SGMS1: variants seen among roughly 807,000 people sequenced by gnomAD.
SGMS1 encodes the protein phosphatidylcholine:ceramide cholinephosphotransferase 1.
In SGMS1, 13 loss-of-function variants were observed where a neutral mutation model predicts 46.2. The ratio of observed to expected loss-of-function variants is 0.28; its 90% CI spans 0.18 to 0.45. SGMS1 has a LOEUF of 0.45. Among genes scored for constraint, SGMS1 ranks in the 20% least tolerant of loss-of-function variants. The probability of loss-of-function intolerance (pLI) is 1.00; values close to 1 mark genes in which losing one functional copy is unlikely to be tolerated. For missense variants in SGMS1, 324 were observed against 519.9 expected, an observed-to-expected ratio of 0.62 and a Z score of 3.66; for synonymous variants, 203 against 187.8, an observed-to-expected ratio of 1.08 and a Z score of -0.66.
In SGMS1 at chr10:50,525,210, T is replaced by C. The variant is rs7909624; in HGVS notation, c.-588-5289A>G. Among the ~76,000 whole-genome samples the C allele has an allele frequency of 9.0e-3, 1,374 of 152,284 alleles. 24 individuals carry two copies. Among genetic ancestry groups the C allele is most frequent in the African/African-American group, 0.032 (1,319 of 41,568 alleles). The stretch of plus-strand genomic sequence containing the variant: ...ACTGGGTAACAAATAGCATCCTCTA[T>C]TGGAGTTACATGTTGGCTCCTACAC... On this transcript the variant is annotated intron_variant, in intron 2 of 10. Transcript: ENST00000361781.
intron 2 of SGMS1, among the ~76,000 whole-genome samples, chr10:50,533,875 C>T (rs1433712465): frequency 2.0e-5 from 3 of 151,978 alleles, no homozygotes; most frequent in Admixed American, 6.6e-5. Context: ...ATATGACATC[C>T]TCTGCTCCGG....
intron 5 of SGMS1, among the ~76,000 whole-genome samples, chr10:50,450,320 A>AC (rs1837090551): frequency 6.6e-6 from 1 of 152,144 alleles, no homozygotes; most frequent in Admixed American, 6.5e-5. Context: ...TGTGCCCTTC[A>AC]CCCCTGGTTA....
intron 5 of SGMS1, chr10:50,459,839 T>A (rs1224791762): frequency 2.0e-5 from 3 of 152,400 alleles, no homozygotes; most frequent in Admixed American, 2.0e-4. Context: ...AGCAGGCAAG[T>A]TGTTTAACCA....
intron 6 of SGMS1, among the ~76,000 whole-genome samples, chr10:50,408,262 G>A (rs1849045615): frequency 6.6e-6 from 1 of 151,936 alleles, no homozygotes; most frequent in Non-Finnish European, 1.5e-5. Context: ...ATAGAGAAAA[G>A]CAACATAGAA....
chr10:50,318,081 C>T (rs1426096916), intron 8 of SGMS1, among the ~76,000 whole-genome samples: 1 of 152,252 alleles, frequency 6.6e-6, no homozygotes, highest in African/African-American at 2.4e-5. Flanking sequence ...GCTAGGATTA[C>T]AGGCGTGAGC....
intron 6 of SGMS1, among the ~76,000 whole-genome samples, chr10:50,361,173 C>T (rs183130551): frequency 9.2e-4 from 140 of 152,256 alleles, no homozygotes; most frequent in African/African-American, 2.9e-3. Context: ...TCCTTCTTTT[C>T]CTCCCTTTCC....
chr10:50,355,618 C>A (rs1046973664), intron 6 of SGMS1, among the ~76,000 whole-genome samples: 3 of 152,158 alleles, frequency 2.0e-5, no homozygotes, highest in Non-Finnish European at 4.4e-5. Context: ...GATCTCGGCT[C>A]GCTACAACCT....
intron 2 of SGMS1, among the ~76,000 whole-genome samples, chr10:50,573,138 G>T (rs1838350368): frequency 6.6e-6 from 1 of 152,098 alleles, no homozygotes; most frequent in Admixed American, 6.5e-5. Context: ...CATACTCAAT[G>T]GAGAAAAACT....
At chr10:50,432,011 A>C (rs1849409269) in intron 6 of SGMS1, among the ~76,000 whole-genome samples, 2 of 152,218 alleles carry the variant, frequency 1.3e-5, no homozygotes, top group African/African-American at 2.4e-5. Context: ...GAGCATGACA[A>C]CTTGAGTTAC....
At chr10:50,602,923 A>C (rs1449187032) in intron 1 of SGMS1, among the ~76,000 whole-genome samples, 3 of 152,224 alleles carry the variant, frequency 2.0e-5, no homozygotes, top group Non-Finnish European at 4.4e-5. Context: ...TTTTAACATC[A>C]TGCTCCACAG....
At chr10:50,365,392 TA>T (rs1048650749) in intron 6 of SGMS1, among the ~76,000 whole-genome samples, 2 of 152,086 alleles carry the variant, frequency 1.3e-5, no homozygotes, top group African/African-American at 4.8e-5. Context: ...TAACATATTC[TA>T]AAAACTAACT....
chr10:50,605,066 C>T lies in SGMS1; in HGVS notation c.-683-14819G>A, dbSNP rs7915777. On this transcript the variant is annotated intron_variant, in intron 1 of 10. Coordinates refer to ENST00000361781, the MANE Select transcript of SGMS1 (RefSeq NM_147156.4). Reference sequence around the variant, plus strand: ...ACTTCTGTTACTACAAAGCTGGAAGCTAATTTCAATTTCCTACATCTCCAC... The same window carrying T: ...ACTTCTGTTACTACAAAGCTGGAAGTTAATTTCAATTTCCTACATCTCCAC... Among the ~76,000 whole-genome samples, 857 of 152,284 alleles carry T rather than the reference C, an allele frequency of 5.6e-3. 5 individuals are homozygous for T. The highest frequency in any genetic ancestry group is 0.019 in the African/African-American group (807 of 41,542).
chr10:50,458,011 G>T (rs542107531), intron 5 of SGMS1, among the ~76,000 whole-genome samples: 7 of 152,290 alleles, frequency 4.6e-5, no homozygotes, highest in African/African-American at 1.7e-4. Context: ...TAAGCACTGG[G>T]TGGGAAATGG....
At chr10:50,557,680 A>T (rs1838199664) in intron 2 of SGMS1, among the ~76,000 whole-genome samples, 1 of 142,170 alleles carries the variant, frequency 7.0e-6, no homozygotes, top group Non-Finnish European at 1.6e-5. Context: ...CACAAACTCT[A>T]ACAGCAAAAA....
intron 1 of SGMS1, among the ~76,000 whole-genome samples, chr10:50,618,135 T>C (rs1838815702): frequency 6.6e-6 from 1 of 152,172 alleles, no homozygotes; most frequent in Non-Finnish European, 1.5e-5. Context: ...GTTTAATAGA[T>C]GATTTAGGAA....
intron 6 of SGMS1, among the ~76,000 whole-genome samples, chr10:50,351,296 AT>A (rs1382148652): frequency 1.3e-5 from 2 of 152,120 alleles, no homozygotes; most frequent in Admixed American, 6.5e-5. Flanking sequence ...CTTGCTTTTG[AT>A]TTTACAGACT....
chr10:50,525,219 C>T (rs1364643933), intron 2 of SGMS1, among the ~76,000 whole-genome samples: 2 of 152,154 alleles, frequency 1.3e-5, no homozygotes, highest in Non-Finnish European at 2.9e-5. Flanking sequence ...ATTGGAGTTA[C>T]ATGTTGGCTC....
At chr10:50,463,351 G>A (rs1295113330) in intron 4 of SGMS1, among the ~76,000 whole-genome samples, 1 of 152,076 alleles carries the variant, frequency 6.6e-6, no homozygotes, top group Admixed American at 6.6e-5. Flanking sequence ...TTAAAAATTG[G>A]CAAAGGACTT....
chr10:50,522,552 C>A (rs932303240), intron 2 of SGMS1, among the ~76,000 whole-genome samples: 7 of 152,054 alleles, frequency 4.6e-5, no homozygotes, highest in African/African-American at 1.7e-4. Context: ...ATAAGGTAAA[C>A]AATTGGAGGG....
Sources: allele counts gnomAD v4.1 joint callset (sites outside exome capture counted in the v4.1 genomes callset), GRCh38; gene constraint gnomAD v4.1.1; transcripts MANE v1.5; gene names NCBI Gene and HGNC (gene_info 2026-07-23, HGNC 2026-07-21).